HHAT: variants seen among roughly 807,000 people sequenced by gnomAD.
HHAT encodes the protein protein-cysteine N-palmitoyltransferase HHAT.
Under a neutral mutation model 70.8 loss-of-function variants are expected in HHAT, and 47 were observed. The ratio of observed to expected loss-of-function variants is 0.66; its 90% confidence interval spans 0.53 to 0.85. The LOEUF (loss-of-function observed/expected upper bound fraction) is 0.85, where lower values mean the gene tolerates loss of function less well. HHAT is among the 40% of genes least tolerant of loss of function. The pLI, the probability that HHAT is intolerant of heterozygous loss-of-function variation, is 0.00. For missense variants in HHAT, 609 were observed against 604.8 expected, an observed-to-expected ratio of 1.01 and a Z score of -0.07; for synonymous variants, 228 against 247.6, an observed-to-expected ratio of 0.92 and a Z score of 0.74.
In HHAT at chr1:210,426,775, T is replaced by C. The variant is rs369184644; in HGVS notation, c.856+8450T>C. 1.1e-4 allele frequency among the ~76,000 whole-genome samples: 17 copies of C among 152,324 alleles called. No individual in the cohort carries two copies. In the East Asian group the frequency reaches 1.9e-3, roughly 17 times the overall value. ...TTTGTTGAGTATTTTTGCATTGATGTGCACAAGGATATTGGCCTGAAGTTT... is the reference window on the plus strand; with the variant it reads ...TTTGTTGAGTATTTTTGCATTGATGCGCACAAGGATATTGGCCTGAAGTTT... On this transcript the variant is annotated intron_variant, in intron 7 of 11. Transcript: ENST00000261458.
chr1:210,543,120 A>G (rs952684726), intron 9 of HHAT, among the ~76,000 whole-genome samples: 5 of 152,198 alleles, frequency 3.3e-5, no homozygotes, highest in African/African-American at 9.7e-5. Context: ...GCGAAAACAC[A>G]TTTAGTGAGT....
chr1:210,613,846 T>G (rs1667095289), intron 10 of HHAT, among the ~76,000 whole-genome samples: 1 of 151,756 alleles, frequency 6.6e-6, no homozygotes, highest in Non-Finnish European at 1.5e-5. Flanking sequence ...AGTGAGACTT[T>G]GACTCTACAA....
chr1:210,656,547 G>T (rs1035502012), intron 11 of HHAT, among the ~76,000 whole-genome samples: 4 of 152,204 alleles, frequency 2.6e-5, no homozygotes, highest in African/African-American at 9.7e-5. Flanking sequence ...TTATGCTCCT[G>T]CAGGGGAAGT....
At chr1:210,393,195 A>ATCC (rs1163291066) in intron 4 of HHAT, among the ~76,000 whole-genome samples, 2 of 152,148 alleles carry the variant, frequency 1.3e-5, no homozygotes, top group African/African-American at 4.8e-5. Context: ...TTTCAGAGTT[A>ATCC]TGCTTGCACA....
Position 210,517,119 on chromosome 1 carries a change from C to T in HHAT, c.1043+3931C>T, listed in dbSNP as rs144968755. Among the ~76,000 whole-genome samples, 486 of 152,124 alleles carry T rather than the reference C, an allele frequency of 3.2e-3. 1 individual carries two copies. Among genetic ancestry groups the T allele is most frequent in the African/African-American group, 0.011 (465 of 41,480 alleles). The stretch of plus-strand genomic sequence containing the variant: ...TGGCTGGAGTTCTTAAATGTGACAC[C>T]GCACAAGAAAAGGTGACCAACCTGG... On this transcript the variant is annotated intron_variant, in intron 9 of 11. Transcript: ENST00000261458.
chr1:210,353,750 C>T (rs17276856), intron 2 of HHAT, among the ~76,000 whole-genome samples: 2,747 of 152,016 alleles, frequency 0.018, 80 homozygotes, highest in African/African-American at 0.063. Flanking sequence ...TCAACGGTGC[C>T]AGAGATCTTA....
chr1:210,350,519 A>AT (rs1424339262), intron 2 of HHAT, among the ~76,000 whole-genome samples: 3 of 152,050 alleles, frequency 2.0e-5, no homozygotes, highest in African/African-American at 7.2e-5. Context: ...TCAGTATTTC[A>AT]TTTTTTGGGT....
chr1:210,339,854 A>G (rs976067966), intron 1 of HHAT, among the ~76,000 whole-genome samples: 2 of 152,192 alleles, frequency 1.3e-5, no homozygotes, highest in African/African-American at 4.8e-5. Flanking sequence ...TAACTAATAC[A>G]TAATATGTTG....
At chr1:210,519,709 G>A (rs1250643829) in intron 9 of HHAT, among the ~76,000 whole-genome samples, 1 of 151,158 alleles carries the variant, frequency 6.6e-6, no homozygotes, top group Non-Finnish European at 1.5e-5. Flanking sequence ...TTGTTTTTTG[G>A]TAGAGACAAG....
chr1:210,617,982 A>T lies in HHAT; in HGVS notation c.1246-5544A>T, dbSNP rs370931292. Among the ~76,000 whole-genome samples the T allele has an allele frequency of 9.8e-5, 15 of 152,328 alleles. No homozygotes were observed. The East Asian group carries it at 2.7e-3, about 27-fold the overall frequency. ...TTTAGGGCAAAGAGCGAGATGGGTG[A>T]TAGCTAATCATTGAGCACACATAGG... On this transcript the variant is annotated intron_variant, in intron 10 of 11. Transcript: ENST00000261458.
At chr1:210,357,262 A>AT (rs529447184) in intron 2 of HHAT, among the ~76,000 whole-genome samples, 89 of 152,262 alleles carry the variant, frequency 5.8e-4, no homozygotes, top group African/African-American at 2.0e-3. Context: ...ACCTCAAAAC[A>AT]TGGCACCTTG....
intron 11 of HHAT, among the ~76,000 whole-genome samples, chr1:210,663,955 A>G (rs1678345266): frequency 6.6e-6 from 1 of 152,148 alleles, no homozygotes; most frequent in Admixed American, 6.5e-5. Context: ...CATTTTTTGA[A>G]AAAACTGTGA....
At chr1:210,369,563 AATG>A (rs2089350653) in intron 3 of HHAT, among the ~76,000 whole-genome samples, 1 of 152,260 alleles carries the variant, frequency 6.6e-6, no homozygotes, top group Non-Finnish European at 1.5e-5. Context: ...ACATGAGTTA[AATG>A]CACACCTGCT....
chr1:210,573,927 G>A (rs954560777), intron 9 of HHAT, among the ~76,000 whole-genome samples: 3 of 152,202 alleles, frequency 2.0e-5, no homozygotes, highest in Non-Finnish European at 4.4e-5. Flanking sequence ...GAAATGAGAG[G>A]GATGAAGGAA....
intron 2 of HHAT, among the ~76,000 whole-genome samples, chr1:210,360,076 C>T (rs1174006698): frequency 6.6e-6 from 1 of 152,170 alleles, no homozygotes; most frequent in Non-Finnish European, 1.5e-5. Context: ...CTGAGGGTTA[C>T]TGCAGCTTGT....
At chr1:210,670,078 CT>C (rs1351108934) in intron 11 of HHAT, among the ~76,000 whole-genome samples, 2 of 152,264 alleles carry the variant, frequency 1.3e-5, no homozygotes, top group Admixed American at 6.5e-5. Context: ...TTGACACCAA[CT>C]TTTTTTGTTA....
intron 3 of HHAT, among the ~76,000 whole-genome samples, chr1:210,364,216 G>A (rs2088660306): frequency 6.6e-6 from 1 of 152,124 alleles, no homozygotes; most frequent in African/African-American, 2.4e-5. Flanking sequence ...ATTTCTAGAT[G>A]TTTCTTATTT....
chr1:210,340,721 A>G (rs1413847088), intron 1 of HHAT, among the ~76,000 whole-genome samples: 1 of 152,312 alleles, frequency 6.6e-6, no homozygotes, highest in East Asian at 1.9e-4. Flanking sequence ...TTTTTTTATC[A>G]GAGAGTGTCT....
At chr1:210,381,699 G>A (rs986512200) in intron 3 of HHAT, among the ~76,000 whole-genome samples, 1 of 152,142 alleles carries the variant, frequency 6.6e-6, no homozygotes, top group Non-Finnish European at 1.5e-5. Flanking sequence ...TAATAAAACA[G>A]TGCTCCTGAC....
Sources: allele counts gnomAD v4.1 joint callset (sites outside exome capture counted in the v4.1 genomes callset), GRCh38; gene constraint gnomAD v4.1.1; transcripts MANE v1.5; gene names NCBI Gene and HGNC (gene_info 2026-07-23, HGNC 2026-07-21).